TIAM2: variants seen among roughly 807,000 people sequenced by gnomAD.
The protein encoded by TIAM2 is rho guanine nucleotide exchange factor TIAM2.
Under a neutral mutation model 152.9 loss-of-function variants are expected in TIAM2, and 80 were observed. That is an observed-to-expected ratio of 0.52 (90% CI 0.44 to 0.63). The LOEUF (loss-of-function observed/expected upper bound fraction) is 0.63. Ranked by LOEUF, TIAM2 falls within the 30% of genes least tolerant of loss-of-function variation. TIAM2 has a pLI of 0.00. For missense variants in TIAM2, 1,965 were observed against 2,120.1 expected, an observed-to-expected ratio of 0.93 and a Z score of 1.44; for synonymous variants, 804 against 838.0, an observed-to-expected ratio of 0.96 and a Z score of 0.70.
intron 7 of TIAM2, among the ~76,000 whole-genome samples, chr6:155,163,196 A>T (rs575755484): frequency 6.6e-6 from 1 of 152,320 alleles, no homozygotes; most frequent in South Asian, 2.1e-4. Flanking sequence ...CAACTGGTGC[A>T]CCTGAAATAA....
chr6:155,100,592 A>G (rs1281007997), intron 2 of TIAM2, among the ~76,000 whole-genome samples: 2 of 152,152 alleles, frequency 1.3e-5, no homozygotes, highest in African/African-American at 4.8e-5. Flanking sequence ...GTTACTTAAC[A>G]TGTATTTATT....
intron 7 of TIAM2, among the ~76,000 whole-genome samples, chr6:155,150,338 G>T (rs1310240327): frequency 6.6e-6 from 1 of 152,180 alleles, no homozygotes; most frequent in Non-Finnish European, 1.5e-5. Context: ...GGTGACAGCT[G>T]GTATAGTCAT....
chr6:155,226,904 CCT>C (rs759378919), intron 15 of TIAM2, among the ~76,000 whole-genome samples: 2 of 152,256 alleles, frequency 1.3e-5, no homozygotes, highest in South Asian at 2.1e-4. Context: ...GTTTTGCGCC[CCT>C]GTCTCTGTTG....
intron 1 of TIAM2, among the ~76,000 whole-genome samples, chr6:155,015,889 A>G (rs1455177564): frequency 6.9e-6 from 1 of 144,598 alleles, no homozygotes; most frequent in Non-Finnish European, 1.5e-5. Flanking sequence ...GTGAGCCAAG[A>G]TGGCACCACT....
intron 1 of TIAM2, among the ~76,000 whole-genome samples, chr6:155,089,972 A>G (rs73573738): frequency 6.3e-4 from 95 of 151,834 alleles, no homozygotes; most frequent in African/African-American, 2.3e-3. Flanking sequence ...CCATCCATCT[A>G]TCCATCTCCT....
At chr6:155,045,050 C>CT (rs200620585) in intron 1 of TIAM2, among the ~76,000 whole-genome samples, 2,498 of 131,884 alleles carry the variant, frequency 0.019, 58 homozygotes, top group East Asian at 0.05. Context: ...TTTTCTTTTT[C>CT]TTTTTTTTTT....
intron 1 of TIAM2, among the ~76,000 whole-genome samples, chr6:155,032,095 G>GGTTTTGACCCA (rs113336439): frequency 0.38 from 57,451 of 151,798 alleles, 11,147 homozygotes; most frequent in African/African-American, 0.46. Context: ...AGGGAAAAAA[G>GGTTTTGACCCA]GTGGGAGAGG....
chr6:155,138,267 G>T (rs1779603266), intron 5 of TIAM2, among the ~76,000 whole-genome samples: 1 of 152,308 alleles, frequency 6.6e-6, no homozygotes, highest in African/African-American at 2.4e-5. Context: ...TAGTTTAGTT[G>T]TTTGGAAGGC....
intron 15 of TIAM2, among the ~76,000 whole-genome samples, chr6:155,240,087 TC>T (rs1782957474): frequency 6.6e-6 from 1 of 152,230 alleles, no homozygotes; most frequent in African/African-American, 2.4e-5. Flanking sequence ...CTTGAGTCTC[TC>T]CGGGCTGTTC....
In TIAM2 at chr6:155,148,122, A is replaced by G. The variant is rs200169165; in HGVS notation, c.1816A>G (p.Thr606Ala). The G allele has an allele frequency of 6.2e-7, 1 of 1,613,920 alleles. No individual in the cohort carries two copies. Among genetic ancestry groups the G allele is most frequent in the African/African-American group, 1.3e-5 (1 of 75,032 alleles). The stretch of plus-strand genomic sequence containing the variant: ...TCCCTGTGTGTAGGCCACCAGCCAG[A>G]CAGATCTAGAAAACTGGGTCACTGC... ...DVYLFQATSQ[T>A]DLENWVTAVH... Residue 606 changes from threonine (T) to alanine (A), a missense_variant, in exon 7 of 27, where the codon ACA becomes GCA. Thr to Ala is a moderately conservative substitution (Grantham distance 58). This residue lies in a region of TIAM2 where 1,025 missense variants were observed against 1,119.4 expected (regional missense o/e 0.92). Coordinates refer to ENST00000682666, the MANE Select transcript of TIAM2 (RefSeq NM_012454.4).
At chr6:155,047,330 C>T (rs1421259474) in intron 1 of TIAM2, among the ~76,000 whole-genome samples, 1 of 152,170 alleles carries the variant, frequency 6.6e-6, no homozygotes, top group African/African-American at 2.4e-5. Flanking sequence ...AGGCTGCGCG[C>T]CACCACACCC....
chr6:155,070,584 A>C (rs1777818318), intron 1 of TIAM2, among the ~76,000 whole-genome samples: 1 of 152,168 alleles, frequency 6.6e-6, no homozygotes, highest in Non-Finnish European at 1.5e-5. Flanking sequence ...TATACCATGT[A>C]GTCAGAATTC....
At chr6:155,125,360 A>G (rs1352420132) in intron 2 of TIAM2, among the ~76,000 whole-genome samples, 1 of 152,222 alleles carries the variant, frequency 6.6e-6, no homozygotes, top group African/African-American at 2.4e-5. Flanking sequence ...ATCACTTATC[A>G]TTAGAGAAAT....
chr6:155,184,500 A>G (rs2115148695), intron 14 of TIAM2, among the ~76,000 whole-genome samples: 1 of 152,324 alleles, frequency 6.6e-6, no homozygotes, highest in Admixed American at 6.5e-5. Context: ...GAAAACCAGT[A>G]GTTTCGCTTT....
chr6:155,098,635 A>T (rs934591236), intron 2 of TIAM2, among the ~76,000 whole-genome samples: 11 of 152,214 alleles, frequency 7.2e-5, no homozygotes, highest in Admixed American at 7.2e-4. Context: ...GCTACTTTGA[A>T]CAAAAGGGTA....
Position 155,213,550 on chromosome 6 carries a change from A to G in TIAM2, c.3168+2243A>G, listed in dbSNP as rs1781773485. ...ATAGTGGCCATGAGCAGACCCAGAAAAAGCTCCATAAGTTCCCACTCTGGT... is the reference window on the plus strand; with the variant it reads ...ATAGTGGCCATGAGCAGACCCAGAAGAAGCTCCATAAGTTCCCACTCTGGT... On this transcript the variant is annotated intron_variant, in intron 15 of 26. Coordinates refer to ENST00000682666, the MANE Select transcript of TIAM2 (RefSeq NM_012454.4). The surrounding 1 kb of genome is among the most constrained non-coding windows in gnomAD (Gnocchi z 4.2). Among the ~76,000 whole-genome samples, 1 of 152,176 alleles carries G rather than the reference A, an allele frequency of 6.6e-6. No homozygotes were observed. The highest frequency in any genetic ancestry group is 1.5e-5 in the Non-Finnish European group (1 of 68,034).
chr6:155,029,328 CTA>C (rs1172925583), intron 1 of TIAM2, among the ~76,000 whole-genome samples: 6 of 106,722 alleles, frequency 5.6e-5, no homozygotes, highest in Admixed American at 1.4e-4. Flanking sequence ...ACTATATGTA[CTA>C]TGTGTTATAT....
rs540505818 is a variant in TIAM2 at position 155,197,724 on chromosome 6, C to T, written c.3065-13480C>T. On this transcript the variant is annotated intron_variant, in intron 14 of 26. Coordinates refer to ENST00000682666, the MANE Select transcript of TIAM2 (RefSeq NM_012454.4). ...ACATGGCGGCGGCAAGCAGAAGGGCCGACCAAAAGGGGGAAAGCCCCTTGT... is the reference window on the plus strand; with the variant it reads ...ACATGGCGGCGGCAAGCAGAAGGGCTGACCAAAAGGGGGAAAGCCCCTTGT... 3.3e-5 allele frequency among the ~76,000 whole-genome samples: 5 copies of T among 152,024 alleles called. 1 individual carries two copies. The highest frequency in any genetic ancestry group is 4.2e-4 in the South Asian group (2 of 4,786).
chr6:155,224,914 C>T (rs538878571), intron 15 of TIAM2, among the ~76,000 whole-genome samples: 2 of 152,308 alleles, frequency 1.3e-5, no homozygotes, highest in South Asian at 4.1e-4. Flanking sequence ...CATCTTCCTA[C>T]CTTGCATGCC....
Sources: allele counts gnomAD v4.1 joint callset (sites outside exome capture counted in the v4.1 genomes callset), GRCh38; gene constraint gnomAD v4.1.1; regional missense constraint gnomAD v4.1.1; non-coding constraint Gnocchi (gnomAD v3.1); transcripts MANE v1.5; gene names NCBI Gene and HGNC (gene_info 2026-07-23, HGNC 2026-07-21).